Variants in SMCO4 observed in about 807,000 individuals in gnomAD.
SMCO4 encodes the protein single-pass membrane protein with coiled-coil domains 4, also known as single-pass membrane and coiled-coil domain-containing protein 4.
In SMCO4, 4 loss-of-function variants were observed where a neutral mutation model predicts 3.6. The observed-to-expected ratio is 1.11, with a 90% CI of 0.54 to 2.53. The LOEUF is 2.53. Ranked by LOEUF, SMCO4 falls within the 30% of genes most tolerant of loss-of-function variation. The probability of loss-of-function intolerance (pLI) is 0.02; values close to 1 mark genes in which losing one functional copy is unlikely to be tolerated. For synonymous variants in SMCO4, 36 were observed against 35.3 expected, an observed-to-expected ratio of 1.02 and a Z score of -0.07; for missense variants, 70 against 80.8, an observed-to-expected ratio of 0.87 and a Z score of 0.51.
At chr11:93,535,498 G>C (rs765170857) in intron 1 of SMCO4, 39 of 1,369,390 alleles carry the variant, frequency 2.8e-5, no homozygotes, top group Admixed American at 1.7e-4. Context: ...AGCAGCTCCT[G>C]ACGGAGCTGA....
upstream of SMCO4, among the ~76,000 whole-genome samples, chr11:93,547,473 G>A (rs976880840): frequency 6.6e-6 from 1 of 152,042 alleles, no homozygotes; most frequent in Non-Finnish European, 1.5e-5. Flanking sequence ...TCTGTTGCAC[G>A]CTTTCATGAC....
chr11:93,521,104 A>T (rs904063221), intron 1 of SMCO4, among the ~76,000 whole-genome samples: 1 of 152,210 alleles, frequency 6.6e-6, no homozygotes, highest in Non-Finnish European at 1.5e-5. Flanking sequence ...ATGCAGCCAT[A>T]TCTCTGGAAG....
chr11:93,528,917 A>G (rs1389835362), intron 1 of SMCO4, among the ~76,000 whole-genome samples: 3 of 152,152 alleles, frequency 2.0e-5, no homozygotes, highest in African/African-American at 4.8e-5. Context: ...CATCCTGTCC[A>G]TCAACAAGTA....
intron 2 of SMCO4, 98 bp from the exon 3 acceptor site, chr11:93,479,367 C>G (rs1357637266): frequency 1.7e-6 from 2 of 1,173,032 alleles, no homozygotes; most frequent in African/African-American, 1.5e-5. Flanking sequence ...ATATCTGCAA[C>G]TTACATGACA....
At chr11:93,503,151 GATAAAGAC>G (rs2134600250) in intron 1 of SMCO4, among the ~76,000 whole-genome samples, 1 of 152,196 alleles carries the variant, frequency 6.6e-6, no homozygotes, top group African/African-American at 2.4e-5. Context: ...TCACGCTGCT[GATAAAGAC>G]ATACCTGAGA....
upstream of SMCO4, among the ~76,000 whole-genome samples, chr11:93,547,395 C>T (rs1280360309): frequency 2.0e-5 from 3 of 152,140 alleles, no homozygotes; most frequent in South Asian, 4.1e-4. Flanking sequence ...AGTGAATGTC[C>T]ACTACATAAT....
chr11:93,514,714 C>T (rs1031064104), intron 1 of SMCO4, among the ~76,000 whole-genome samples: 8 of 152,114 alleles, frequency 5.3e-5, no homozygotes, highest in Admixed American at 3.3e-4. Flanking sequence ...TAAATGATTT[C>T]GGCATTCACA....
the SMCO4 span, among the ~76,000 whole-genome samples, chr11:93,553,852 C>G: frequency 6.6e-6 from 1 of 152,174 alleles, no homozygotes; most frequent in South Asian, 2.1e-4. Context: ...AGGACCAAGC[C>G]TCCTAGCCTT....
chr11:93,532,237 C>A (rs539314331), intron 1 of SMCO4, among the ~76,000 whole-genome samples: 1 of 152,338 alleles, frequency 6.6e-6, no homozygotes, highest in Non-Finnish European at 1.5e-5. Context: ...AAAACAGAGA[C>A]ACACACCGTA....
chr11:93,522,291 A>G (rs1000103351), intron 1 of SMCO4, among the ~76,000 whole-genome samples: 1 of 152,188 alleles, frequency 6.6e-6, no homozygotes, highest in African/African-American at 2.4e-5. Context: ...CATGTTAGCT[A>G]TGTGACTTCT....
intron 1 of SMCO4, among the ~76,000 whole-genome samples, chr11:93,504,190 A>C (rs1461832223): frequency 6.6e-6 from 1 of 152,234 alleles, no homozygotes; most frequent in Admixed American, 6.5e-5. Flanking sequence ...AAAGAAGATT[A>C]GAAATCAAGA....
At chr11:93,517,611 C>A (rs930942809) in intron 1 of SMCO4, among the ~76,000 whole-genome samples, 1 of 152,226 alleles carries the variant, frequency 6.6e-6, no homozygotes, top group African/African-American at 2.4e-5. Flanking sequence ...TCTCCTTCCA[C>A]AGAACAGATA....
At chr11:93,551,355 C>T in the SMCO4 span, among the ~76,000 whole-genome samples, 52 of 151,998 alleles carry the variant, frequency 3.4e-4, no homozygotes, top group African/African-American at 7.3e-4. Flanking sequence ...CTCCTGGGGA[C>T]GTGGTCCTCC....
chr11:93,496,857 T>C (rs1948779319), intron 2 of SMCO4, among the ~76,000 whole-genome samples: 1 of 152,216 alleles, frequency 6.6e-6, no homozygotes, highest in Non-Finnish European at 1.5e-5. Context: ...TTCTCGATAC[T>C]GATGCTTCAG....
intron 1 of SMCO4, among the ~76,000 whole-genome samples, chr11:93,502,495 A>G (rs1214358714): frequency 1.3e-5 from 2 of 152,216 alleles, no homozygotes; most frequent in Non-Finnish European, 2.9e-5. Flanking sequence ...CCTATGCTGT[A>G]CATTTCAGGC....
At chr11:93,496,042 C>G (rs1948768591) in intron 2 of SMCO4, among the ~76,000 whole-genome samples, 2 of 152,206 alleles carry the variant, frequency 1.3e-5, no homozygotes, top group African/African-American at 2.4e-5. Flanking sequence ...ACTCCATGGG[C>G]TGCACTGGGC....
At chr11:93,503,727 G>A (rs1948871309) in intron 1 of SMCO4, among the ~76,000 whole-genome samples, 1 of 152,174 alleles carries the variant, frequency 6.6e-6, no homozygotes, top group Admixed American at 6.5e-5. Flanking sequence ...CCAAAGGCTG[G>A]GAGAGCAAGG....
chr11:93,552,265 A>G, the SMCO4 span, among the ~76,000 whole-genome samples: 4 of 146,318 alleles, frequency 2.7e-5, no homozygotes, highest in South Asian at 8.7e-4. Flanking sequence ...CAAGCCTTCC[A>G]AGTAATTGGG....
chr11:93,505,867 T>C (rs1055087916), intron 1 of SMCO4, among the ~76,000 whole-genome samples: 5 of 151,448 alleles, frequency 3.3e-5, no homozygotes, highest in Non-Finnish European at 5.9e-5. Context: ...ATGATGATGA[T>C]GATGATGATG....
Sources: allele counts gnomAD v4.1 joint callset (sites outside exome capture counted in the v4.1 genomes callset), GRCh38; gene constraint gnomAD v4.1.1; transcripts MANE v1.5; gene names NCBI Gene and HGNC (gene_info 2026-07-23, HGNC 2026-07-21).